UNC13C: variants seen among roughly 807,000 people sequenced by gnomAD.
UNC13C encodes the protein protein unc-13 homolog C.
UNC13C carries 174 observed loss-of-function variants against 245.4 expected under a neutral mutation model. The observed-to-expected ratio is 0.71, with a 90% confidence interval of 0.63 to 0.80. UNC13C has a LOEUF of 0.80. UNC13C is among the 30% of genes least tolerant of loss of function. The pLI is 0.00. For synonymous variants in UNC13C, 992 were observed against 895.1 expected (o/e 1.11, Z -1.93); for missense variants, 2,829 against 2,602.9 (o/e 1.09, Z -1.89).
chr15:54,390,014 C>T lies in UNC13C; in HGVS notation c.4714-3034C>T, dbSNP rs1373353934. ...AAAGTGCTGGGATTACAGGCATGAG[C>T]CACTGCGCCCGGCCCGTCTTTGCAT... On this transcript the variant is annotated intron_variant, in intron 17 of 32. Transcript: ENST00000260323. Among the ~76,000 whole-genome samples the T allele has an allele frequency of 4.6e-5, 7 of 152,278 alleles. No homozygotes were observed. The East Asian group carries it at 1.4e-3, about 29-fold the overall frequency.
chr15:53,874,177 T>C, the UNC13C span, among the ~76,000 whole-genome samples: 1 of 152,106 alleles, frequency 6.6e-6, no homozygotes, highest in East Asian at 1.9e-4. Flanking sequence ...GGTTTTGCCA[T>C]GTTGTCCAGG....
chr15:53,889,909 G>C, the UNC13C span, among the ~76,000 whole-genome samples: 3 of 152,188 alleles, frequency 2.0e-5, no homozygotes, highest in Non-Finnish European at 4.4e-5. Context: ...AAGCCAACTT[G>C]ATCGTGGTGG....
chr15:53,907,081 A>G, the UNC13C span, among the ~76,000 whole-genome samples: 1 of 152,038 alleles, frequency 6.6e-6, no homozygotes, highest in Admixed American at 6.5e-5. Context: ...AACACAGAAG[A>G]GATTGTTTTT....
intron 10 of UNC13C, among the ~76,000 whole-genome samples, chr15:54,284,611 A>G (rs534366359): frequency 6.8e-6 from 1 of 146,194 alleles, no homozygotes; most frequent in Non-Finnish European, 1.5e-5. Context: ...CACCACGAGC[A>G]CATGTGCACA....
intron 19 of UNC13C, among the ~76,000 whole-genome samples, chr15:54,431,361 C>T (rs1178152276): frequency 6.6e-6 from 1 of 151,526 alleles, no homozygotes; most frequent in Non-Finnish European, 1.5e-5. Context: ...TGTGCCTTCA[C>T]AGTAGTTCTG....
chr15:53,943,467 A>C, the UNC13C span, among the ~76,000 whole-genome samples: 1 of 152,198 alleles, frequency 6.6e-6, no homozygotes, highest in Non-Finnish European at 1.5e-5. Context: ...AAACAAGAAC[A>C]AAAATAATAA....
intron 13 of UNC13C, among the ~76,000 whole-genome samples, chr15:54,318,213 T>C (rs2038059390): frequency 6.6e-6 from 1 of 152,012 alleles, no homozygotes; most frequent in Admixed American, 6.6e-5. Flanking sequence ...TTTGACGTGC[T>C]GATTTCGTCT....
chr15:54,453,284 GA>G (rs1253536739), intron 19 of UNC13C, among the ~76,000 whole-genome samples: 1 of 152,188 alleles, frequency 6.6e-6, no homozygotes, highest in African/African-American at 2.4e-5. Context: ...TGGGCTCCCA[GA>G]TGATACTAGC....
chr15:54,151,547 C>T (rs183557948), intron 4 of UNC13C, among the ~76,000 whole-genome samples: 13 of 152,162 alleles, frequency 8.5e-5, no homozygotes, highest in Admixed American at 3.9e-4. Flanking sequence ...GGATTACAGG[C>T]GCGTGCCATC....
chr15:54,050,392 G>T, intron 2 of UNC13C: 1 of 558,132 alleles, frequency 1.8e-6, no homozygotes, highest in Non-Finnish European at 3.6e-6. Flanking sequence ...TACTTGATAA[G>T]TATATTTTCT....
At chr15:54,430,145 A>G (rs2040842901) in intron 19 of UNC13C, among the ~76,000 whole-genome samples, 1 of 151,704 alleles carries the variant, frequency 6.6e-6, no homozygotes, top group Non-Finnish European at 1.5e-5. Flanking sequence ...TGATAAGTGA[A>G]AATTTCAGAT....
intron 10 of UNC13C, among the ~76,000 whole-genome samples, chr15:54,276,410 A>G (rs1455155283): frequency 2.6e-5 from 4 of 152,120 alleles, no homozygotes; most frequent in Non-Finnish European, 4.4e-5. Flanking sequence ...TCAAGATGAT[A>G]TAAAATTGCT....
At chr15:54,425,914 G>A (rs578240652) in intron 19 of UNC13C, among the ~76,000 whole-genome samples, 99 of 151,908 alleles carry the variant, frequency 6.5e-4, no homozygotes, top group African/African-American at 2.2e-3. Context: ...GACTCTAGGA[G>A]AGAATCCATT....
chr15:54,097,115 G>T (rs1016567195), intron 2 of UNC13C, among the ~76,000 whole-genome samples: 8 of 152,112 alleles, frequency 5.3e-5, no homozygotes, highest in African/African-American at 1.9e-4. Context: ...TACCTATTTA[G>T]TGTTCTCATA....
At chr15:54,457,224 A>C (rs541583676) in intron 19 of UNC13C, among the ~76,000 whole-genome samples, 1 of 152,248 alleles carries the variant, frequency 6.6e-6, no homozygotes, top group South Asian at 2.1e-4. Context: ...CCTTGGTATG[A>C]AACCCTCTTA....
chr15:54,301,922 C>T (rs1026181493), intron 13 of UNC13C, among the ~76,000 whole-genome samples: 3 of 152,130 alleles, frequency 2.0e-5, no homozygotes, highest in African/African-American at 7.2e-5. Context: ...AAAAGCATTC[C>T]TATTTCTCCA....
intron 19 of UNC13C, among the ~76,000 whole-genome samples, chr15:54,445,181 T>C (rs1262915537): frequency 6.6e-6 from 1 of 152,144 alleles, no homozygotes; most frequent in African/African-American, 2.4e-5. Flanking sequence ...TTCCACGGTG[T>C]ATATGTGCCA....
intron 4 of UNC13C, among the ~76,000 whole-genome samples, chr15:54,216,574 G>A (rs1412436637): frequency 6.6e-6 from 1 of 151,886 alleles, no homozygotes; most frequent in African/African-American, 2.4e-5. Context: ...CTTCAATGGA[G>A]TCACTTCCTA....
chr15:53,946,210 T>C, the UNC13C span, among the ~76,000 whole-genome samples: 1 of 152,198 alleles, frequency 6.6e-6, no homozygotes, highest in Non-Finnish European at 1.5e-5. Flanking sequence ...ATATTCATAT[T>C]TGGATGCCCT....
Sources: allele counts gnomAD v4.1 joint callset (sites outside exome capture counted in the v4.1 genomes callset), GRCh38; gene constraint gnomAD v4.1.1; transcripts MANE v1.5; gene names NCBI Gene and HGNC (gene_info 2026-07-23, HGNC 2026-07-21).